The following EHBP1 variants were observed in gnomAD, a reference collection of about 807,000 sequenced individuals.
EHBP1 encodes the protein EH domain-binding protein 1.
In EHBP1, 55 loss-of-function variants were observed where a neutral mutation model predicts 144.0. That is an observed-to-expected ratio of 0.38 (90% CI 0.31 to 0.48). EHBP1 has a LOEUF of 0.48. Ranked by LOEUF, EHBP1 falls within the 20% of genes least tolerant of loss-of-function variation. The pLI is 0.98. For missense variants in EHBP1, 1,200 were observed against 1,364.2 expected (o/e 0.88, Z 1.90); for synonymous variants, 469 against 472.7 (o/e 0.99, Z 0.10).
At chr2:62,951,533 T>C (rs1298426582) in intron 13 of EHBP1, among the ~76,000 whole-genome samples, 1 of 125,640 alleles carries the variant, frequency 8.0e-6, no homozygotes, top group Non-Finnish European at 1.7e-5. Flanking sequence ...TTTTTTTTTT[T>C]TGGGGGGGGG....
chr2:62,952,559 G>A (rs1295834058), intron 13 of EHBP1, among the ~76,000 whole-genome samples: 2 of 151,980 alleles, frequency 1.3e-5, no homozygotes, highest in African/African-American at 4.8e-5. Flanking sequence ...TGTCCATTTG[G>A]GTGCCTAATA....
At chr2:62,932,951 C>CAA (rs1163755712) in intron 10 of EHBP1, among the ~76,000 whole-genome samples, 6 of 46,064 alleles carry the variant, frequency 1.3e-4, no homozygotes, top group Non-Finnish European at 1.8e-4. Flanking sequence ...GACTCCATCT[C>CAA]AAAAAAAAAA....
intron 19 of EHBP1, among the ~76,000 whole-genome samples, chr2:63,000,598 G>C (rs2059811395): frequency 6.6e-6 from 1 of 152,116 alleles, no homozygotes; most frequent in Non-Finnish European, 1.5e-5. Context: ...TCGGGAAGCT[G>C]AGGCAGGATA....
rs1009952470 is a variant in EHBP1, at chr2:62,783,699, G to A, written c.312+12307G>A. Among the ~76,000 whole-genome samples the A allele has an allele frequency of 7.9e-5, 12 of 152,354 alleles. No homozygotes were observed. In the South Asian group the frequency reaches 2.3e-3, roughly 29 times the overall value. On this transcript the variant is annotated intron_variant, in intron 5 of 22. Transcript: ENST00000431489. ...TCCCAAGGCTGCACACAGCAGGGGA[G>A]CCCTGGACCTGGCTCAGGAAACCAT...
At chr2:62,776,749 T>C (rs925802997) in intron 5 of EHBP1, among the ~76,000 whole-genome samples, 8 of 152,234 alleles carry the variant, frequency 5.3e-5, no homozygotes, top group African/African-American at 1.9e-4. Flanking sequence ...ATTTACTTAT[T>C]AGTGTAGATA....
intron 19 of EHBP1, among the ~76,000 whole-genome samples, chr2:63,029,901 T>C (rs889588995): frequency 6.6e-6 from 1 of 150,514 alleles, no homozygotes; most frequent in Non-Finnish European, 1.5e-5. Flanking sequence ...GCCAATTTTT[T>C]TGTATTTTTA....
chr2:62,979,436 A>T lies in EHBP1; in HGVS notation c.2608+101A>T, dbSNP rs1230675993. ...TACTTCAAAATGTTGCTTCAAAAAT[A>T]TAAAGCTTCTAACCTATTGATATGT... On this transcript the variant is annotated intron_variant, in intron 15 of 22. Coordinates refer to ENST00000431489, the MANE Select transcript of EHBP1 (RefSeq NM_001142616.3). The T allele has an allele frequency of 2.9e-5, 38 of 1,299,752 alleles. No individual in the cohort carries two copies. The East Asian group carries it at 9.3e-4, about 32-fold the overall frequency. The allele number at this position is 1,299,752 out of a possible 1,614,324, so 80.5% of individuals were successfully genotyped here.
chr2:63,004,074 G>T (rs962941883), intron 19 of EHBP1, among the ~76,000 whole-genome samples: 1 of 152,060 alleles, frequency 6.6e-6, no homozygotes, highest in African/African-American at 2.4e-5. Context: ...TTATATCTGG[G>T]AGCTATATCT....
chr2:62,810,018 A>G (rs1357938804), intron 5 of EHBP1, among the ~76,000 whole-genome samples: 1 of 152,240 alleles, frequency 6.6e-6, no homozygotes, highest in Non-Finnish European at 1.5e-5. Context: ...TTACAGAATG[A>G]TACACAACTT....
At chr2:63,044,896 G>A (rs1255025813) in intron 21 of EHBP1, 170 bp from the exon 22 acceptor site, 9 of 573,440 alleles carry the variant, frequency 1.6e-5, no homozygotes, top group South Asian at 8.9e-5. Flanking sequence ...GACTTTTAGC[G>A]AGGAAGCCTT....
At chr2:62,778,526 A>G (rs541178829) in intron 5 of EHBP1, among the ~76,000 whole-genome samples, 10 of 149,336 alleles carry the variant, frequency 6.7e-5, no homozygotes, top group African/African-American at 2.2e-4. Context: ...CCTGGGCGAC[A>G]GAGTGAGACC....
At chr2:63,030,381 G>A (rs2061183275) in intron 19 of EHBP1, among the ~76,000 whole-genome samples, 1 of 151,582 alleles carries the variant, frequency 6.6e-6, no homozygotes, top group Non-Finnish European at 1.5e-5. Context: ...ATAAATATCT[G>A]TTTTAATATT....
chr2:62,686,112 G>A (rs755147931), intron 1 of EHBP1, among the ~76,000 whole-genome samples: 6 of 152,158 alleles, frequency 3.9e-5, no homozygotes, highest in Non-Finnish European at 8.8e-5. Context: ...AACTTCTCCT[G>A]TTGCTCATAC....
chr2:62,834,159 G>T (rs561498751), intron 7 of EHBP1, among the ~76,000 whole-genome samples: 1 of 152,346 alleles, frequency 6.6e-6, no homozygotes, highest in South Asian at 2.1e-4. Flanking sequence ...CCTACTTCTG[G>T]TGAAGATGCT....
At chr2:62,906,059 G>A (rs1300316477) in intron 10 of EHBP1, among the ~76,000 whole-genome samples, 1 of 151,734 alleles carries the variant, frequency 6.6e-6, no homozygotes, top group East Asian at 1.9e-4. Context: ...TGTTTTCATT[G>A]GATTGTTTAT....
chr2:62,788,253 A>T (rs977549264), intron 5 of EHBP1, among the ~76,000 whole-genome samples: 2 of 152,190 alleles, frequency 1.3e-5, no homozygotes, highest in Admixed American at 1.3e-4. Flanking sequence ...TTCCTATTCC[A>T]ATATAAAATA....
chr2:62,835,284 G>A (rs2047125088), intron 7 of EHBP1, among the ~76,000 whole-genome samples: 1 of 151,700 alleles, frequency 6.6e-6, no homozygotes, highest in Non-Finnish European at 1.5e-5. Context: ...TTATTTTGGG[G>A]CTTTTCTTAT....
At chr2:62,935,340 A>AT (rs1351369931) in intron 10 of EHBP1, among the ~76,000 whole-genome samples, 27 of 138,618 alleles carry the variant, frequency 1.9e-4, no homozygotes, top group East Asian at 1.0e-3. Flanking sequence ...AAAAAAAAAA[A>AT]AAAAATATAT....
chr2:62,830,820 T>G (rs2046775992), intron 6 of EHBP1, among the ~76,000 whole-genome samples, 199 bp from the exon 7 acceptor site: 1 of 152,230 alleles, frequency 6.6e-6, no homozygotes, highest in Non-Finnish European at 1.5e-5. Context: ...TTAATCTTAT[T>G]AGCTCTTTAC....
Sources: allele counts gnomAD v4.1 joint callset (sites outside exome capture counted in the v4.1 genomes callset), GRCh38; gene constraint gnomAD v4.1.1; transcripts MANE v1.5; gene names NCBI Gene and HGNC (gene_info 2026-07-23, HGNC 2026-07-21).